The following SCNN1D variants were observed in gnomAD, a reference collection of about 807,000 sequenced individuals.
SCNN1D encodes the protein epithelial sodium channel subunit delta.
In SCNN1D, 104 loss-of-function variants were observed where a neutral mutation model predicts 87.8. The ratio of observed to expected loss-of-function variants is 1.18; its 90% CI spans 1.01 to 1.39. The LOEUF is 1.39. SCNN1D is among the 40% of genes most tolerant of loss of function. The pLI, the probability that SCNN1D is intolerant of heterozygous loss-of-function variation, is 0.00. For missense variants in SCNN1D, 1,324 were observed against 1,093.9 expected (o/e 1.21, Z -2.97); for synonymous variants, 628 against 481.2 (o/e 1.31, Z -3.99).
chr1:1,283,951 C>T (rs912060762), intron 4 of SCNN1D, 27 bp from the exon 5 acceptor site: 2 of 1,383,394 alleles, frequency 1.4e-6, no homozygotes, highest in South Asian at 1.5e-5. Context: ...AGCACAGTCC[C>T]ACGCCCAGCC....
rs1167690305 is a variant in SCNN1D, at chr1:1,288,236, G to T, written c.1662+199G>T. ...CTGCTCCGTCCCGTGTCTCTGCTCC[G>T]TCCCGTGTCTCTGCTCCGTCCCGTG... On this transcript the variant is annotated intron_variant, in intron 12 of 17. Coordinates refer to ENST00000379116, the MANE Select transcript of SCNN1D (RefSeq NM_001130413.4). Among the ~76,000 whole-genome samples the T allele has an allele frequency of 4.3e-3, 557 of 128,384 alleles. 6 individuals are homozygous for T. The highest frequency in any genetic ancestry group is 0.017 in the African/African-American group (519 of 30,602). 84.2% of individuals were successfully genotyped at this position (128,384 alleles called of 152,430 possible).
rs1458082548 is a variant in SCNN1D, at chr1:1,281,474, C to T, written c.141C>T (p.His47=). The T allele has an allele frequency of 6.6e-7, 1 of 1,523,846 alleles. No individual in the cohort carries two copies. Among genetic ancestry groups the T allele is most frequent in the Non-Finnish European group, 8.8e-7 (1 of 1,140,482 alleles). 94.4% of individuals were successfully genotyped at this position (1,523,846 alleles called of 1,614,324 possible). A position where few individuals can be genotyped will look rare whatever the true frequency, so the allele number is the denominator to read the frequency against. The change falls in exon 3 of 18, where the codon CAC becomes CAT. Residue 47 remains histidine, a synonymous_variant. Transcript: ENST00000379116. ...TPTCRELGSP[H]PTPCTGPARG... ...CATGCCGGGAGCTGGGTTCGCCCCA[C>T]CCCACCCCCTGCACCGGGCCAGCGA... is the stretch of plus-strand genomic sequence containing the variant.
intron 1 of SCNN1D, 82 bp from the exon 2 acceptor site, chr1:1,281,144 T>C: frequency 7.6e-7 from 1 of 1,321,200 alleles, no homozygotes; most frequent in South Asian, 1.3e-5. Flanking sequence ...TGGGGGACGC[T>C]CACCCCAGGG....
rs778320313 is a variant in SCNN1D, at chr1:1,285,946, C to T, written c.579C>T (p.Pro193=). ...CACAGGCTGCAGCCCAGACGCCCCC[C>T]AGGCCGGGGCCACCATCAGCACCAC... ...KQGQAAAQTP[P]RPGPPSAPPP... The change falls in exon 7 of 18, where the codon CCC becomes CCT. Residue 193 remains proline (P), a synonymous_variant. Transcript: ENST00000379116. 2 of 1,552,868 alleles carry T rather than the reference C, an allele frequency of 1.3e-6. No homozygotes were observed. The highest frequency in any genetic ancestry group is 1.2e-5 in the South Asian group (1 of 84,776).
Position 1,280,584 on chromosome 1 carries a change from C to T in SCNN1D, c.-78C>T, listed in dbSNP as rs1391100954. On this transcript the variant is annotated 5_prime_UTR_variant, in exon 1 of 18. Coordinates refer to ENST00000379116, the MANE Select transcript of SCNN1D (RefSeq NM_001130413.4). ...CCAGGTCACAAGCCTCAGAGAGAAT[C>T]AACTATAAATGCTTCTCATCAGACT... is the stretch of plus-strand genomic sequence containing the variant. 1 of 681,614 alleles carries T rather than the reference C, an allele frequency of 1.5e-6. No individual in the cohort carries two copies. Among genetic ancestry groups the T allele is most frequent in the Non-Finnish European group, 2.7e-6 (1 of 369,426 alleles). The allele number at this position is 681,614 out of a possible 1,614,324, so 42.2% of individuals were successfully genotyped here.
chr1:1,287,652 C>CA (rs1557583219), intron 10 of SCNN1D, 21 bp from the exon 11 acceptor site: 1 of 1,611,786 alleles, frequency 6.2e-7, no homozygotes, highest in Non-Finnish European at 8.5e-7. Flanking sequence ...GGTGGCCTCA[C>CA]ACCAGCCCTT....
intron 3 of SCNN1D, 139 bp from the exon 4 acceptor site, chr1:1,282,103 C>T: frequency 1.6e-6 from 1 of 644,052 alleles, no homozygotes; most frequent in East Asian, 2.7e-5. Flanking sequence ...CCTGTGGGGT[C>T]TCTGTGACAT....
Position 1,291,600 on chromosome 1 carries a change from T to C in SCNN1D, c.2399T>C (p.Leu800Pro), listed in dbSNP as rs754793861. The C allele has an allele frequency of 3.0e-5, 46 of 1,535,250 alleles. No individual in the cohort carries two copies. The Admixed American group carries it at 9.6e-4, about 32-fold the overall frequency. Residue 800 changes from leucine (L) to proline (P), a missense_variant, in exon 18 of 18, where the codon CTG becomes CCG. Leu to Pro is a moderately conservative substitution (Grantham distance 98). Coordinates refer to ENST00000379116, the MANE Select transcript of SCNN1D (RefSeq NM_001130413.4). ...GCTGGGCCCCAGCCCCTTGAGACTC[T>C]GGACACCTGAACCAGACCTGCCAGG... ...SWAGPQPLET[L>P]DT
In SCNN1D at chr1:1,288,296, C is replaced by T. The variant is rs190679471; in HGVS notation, c.1662+259C>T. On this transcript the variant is annotated intron_variant, in intron 12 of 17. Coordinates refer to ENST00000379116, the MANE Select transcript of SCNN1D (RefSeq NM_001130413.4). ...CGTCCCCCGAGTCTCTGCTCCGTCCCGTGTCTGCTCCGTCCCGTGTCCCTG... is the reference window on the plus strand; with the variant it reads ...CGTCCCCCGAGTCTCTGCTCCGTCCTGTGTCTGCTCCGTCCCGTGTCCCTG... Among the ~76,000 whole-genome samples, 636 of 78,026 alleles carry T rather than the reference C, an allele frequency of 8.2e-3. 130 individuals are homozygous for T. The highest frequency in any genetic ancestry group is 0.055 in the East Asian group (39 of 710). 51.2% of individuals were successfully genotyped at this position (78,026 alleles called of 152,430 possible). A position where few individuals can be genotyped will look rare whatever the true frequency, so the allele number is the denominator to read the frequency against.
rs13306640 is a variant in SCNN1D at position 1,290,887 on chromosome 1, G to T, written c.1918-8G>T. On this transcript the variant is annotated splice_region_variant and splice_polypyrimidine_tract_variant and intron_variant, in intron 15 of 17. Coordinates refer to ENST00000379116, the MANE Select transcript of SCNN1D (RefSeq NM_001130413.4). ...GAGCCGTGGCCACAGCAAACCTTCC[G>T]TCTGCAGGGATGGACTCTGGCCACG... 23 of 1,609,738 alleles carry T rather than the reference G, an allele frequency of 1.4e-5. No homozygotes were observed. The highest frequency in any genetic ancestry group is 1.6e-5 in the Non-Finnish European group (19 of 1,178,986).
chr1:1,284,698 C>T (rs1460668884), intron 5 of SCNN1D, among the ~76,000 whole-genome samples: 2 of 152,070 alleles, frequency 1.3e-5, no homozygotes, highest in African/African-American at 4.8e-5. Flanking sequence ...CCCGGGAGAA[C>T]ACTGCAGATA....
Position 1,282,244 on chromosome 1 carries a change from C to T in SCNN1D, c.280C>T (p.Leu94=). The T allele has an allele frequency of 2.0e-6, 3 of 1,491,462 alleles. No individual in the cohort carries two copies. Among genetic ancestry groups the T allele is most frequent in the South Asian group, 1.2e-5 (1 of 82,916 alleles). 92.4% of individuals were successfully genotyped at this position (1,491,462 alleles called of 1,614,324 possible). ...SGPIQGCGTG[L]GDSSMAFLSR... ...TGACGAAGCTGTGATTCACACAGGC[C>T]TGGGTGACTCCAGCATGGCTTTCCT... Residue 94 remains leucine, a splice_region_variant and synonymous_variant, in exon 4 of 18, where the codon CTG becomes TTG. Transcript: ENST00000379116.
In SCNN1D at chr1:1,286,764, C is replaced by G. The variant is rs371371105; in HGVS notation, c.912-4C>G. ...AACTCTGACTCCAGGGCCCTGCGTCCCAGGCCGAGTCCGGTCCTCCGCCAT... is the reference window on the plus strand; with the variant it reads ...AACTCTGACTCCAGGGCCCTGCGTCGCAGGCCGAGTCCGGTCCTCCGCCAT... On this transcript the variant is annotated splice_polypyrimidine_tract_variant and splice_region_variant and intron_variant, in intron 7 of 17. Coordinates refer to ENST00000379116, the MANE Select transcript of SCNN1D (RefSeq NM_001130413.4). 47 of 1,611,888 alleles carry G rather than the reference C, an allele frequency of 2.9e-5. No individual in the cohort carries two copies. In the African/African-American group the frequency reaches 5.6e-4, roughly 19 times the overall value.
intron 4 of SCNN1D, among the ~76,000 whole-genome samples, chr1:1,283,325 G>T (rs367706520): frequency 2.0e-5 from 3 of 152,300 alleles, no homozygotes; most frequent in African/African-American, 7.2e-5. Flanking sequence ...CCCACCCAGT[G>T]TCTGTCAGCC....
chr1:1,281,741 C>T (rs1448686302), intron 3 of SCNN1D, 131 bp downstream of exon 3: 1 of 835,680 alleles, frequency 1.2e-6, no homozygotes, highest in Non-Finnish European at 1.8e-6. Flanking sequence ...GGAAGGGGTG[C>T]TCTGCCCCCG....
rs1183167598 is a variant in SCNN1D, at chr1:1,286,903, C to A, written c.1047C>A (p.Phe349Leu). The A allele has an allele frequency of 1.2e-6, 2 of 1,612,508 alleles. No homozygotes were observed. The highest frequency in any genetic ancestry group is 2.7e-5 in the African/African-American group (2 of 74,902). Residue 349 changes from phenylalanine to leucine, a missense_variant, in exon 8 of 18, where the codon TTC becomes TTA. Phe to Leu is a conservative substitution (Grantham distance 22). Transcript: ENST00000379116. ...CTGTCCCCCGCCACGAGCCCCCCTT[C>A]CACCTGGACCGGGAGATCCGTCTGC... ...SATVPRHEPPFHLDREIRLQR... is the reference protein window; with the variant it reads ...SATVPRHEPPLHLDREIRLQR...
Position 1,291,813 on chromosome 1 carries a change from C to A in SCNN1D, c.*203C>A. On this transcript the variant is annotated 3_prime_UTR_variant, in exon 18 of 18. Transcript: ENST00000379116. ...GGGTGGGTCTCAAGGAGGCCCGGGG[C>A]GGAGGGGGGTTCCCGCGTGCACACG... 1 of 456,458 alleles carries A rather than the reference C, an allele frequency of 2.2e-6. No individual in the cohort carries two copies. The highest frequency in any genetic ancestry group is 3.8e-6 in the Non-Finnish European group (1 of 262,456). The allele number at this position is 456,458 out of a possible 1,614,324, so 28.3% of individuals were successfully genotyped here.
In SCNN1D at chr1:1,286,870, C is replaced by T; in HGVS notation, c.1014C>T (p.Leu338=). Residue 338 remains leucine (L), a synonymous_variant, in exon 8 of 18, where the codon CTC becomes CTT. Transcript: ENST00000379116. The part of the protein sequence containing the change: ...NVNLSKGRAA[L]SATVPRHEPP... The stretch of plus-strand genomic sequence containing the variant: ...ACCTCAGCAAAGGCAGAGCCGCCCT[C>T]TCCGCCACTGTCCCCCGCCACGAGC... 1 of 1,612,598 alleles carries T rather than the reference C, an allele frequency of 6.2e-7. No individual in the cohort carries two copies. Among genetic ancestry groups the T allele is most frequent in the Non-Finnish European group, 8.5e-7 (1 of 1,179,860 alleles).
intron 3 of SCNN1D, 47 bp from the exon 4 acceptor site, chr1:1,282,195 A>G (rs1362372050): frequency 1.8e-6 from 2 of 1,098,652 alleles, no homozygotes; most frequent in Admixed American, 4.0e-5. Context: ...GAGGTTGAGT[A>G]ACTCGGGAAG....
Sources: gnomAD v4.1 joint callset for allele counts (sites outside exome capture counted in the v4.1 genomes callset) on GRCh38, gnomAD v4.1.1 for gene constraint, MANE v1.5 for transcripts, NCBI Gene and HGNC (gene_info 2026-07-23, HGNC 2026-07-21) for gene names.